FER1L6: variants seen among roughly 807,000 people sequenced by gnomAD.
FER1L6 encodes the protein fer-1-like protein 6.
Under a neutral mutation model 219.2 loss-of-function variants are expected in FER1L6, and 177 were observed. That is an observed-to-expected ratio of 0.81 (90% CI 0.71 to 0.91). The LOEUF is 0.91. FER1L6 is among the 40% of genes least tolerant of loss of function. FER1L6 has a pLI of 0.00. For missense variants in FER1L6, 2,153 were observed against 2,259.9 expected, an observed-to-expected ratio of 0.95 and a Z score of 0.96; for synonymous variants, 768 against 824.3, an observed-to-expected ratio of 0.93 and a Z score of 1.17.
At chr8:124,008,944 G>A (rs1817790131) in intron 13 of FER1L6, among the ~76,000 whole-genome samples, 1 of 151,966 alleles carries the variant, frequency 6.6e-6, no homozygotes, top group South Asian at 2.1e-4. Context: ...TGATCAAAAT[G>A]CACAAATGCA....
intron 2 of FER1L6, among the ~76,000 whole-genome samples, chr8:123,962,446 T>G (rs1244089551): frequency 6.6e-6 from 1 of 152,148 alleles, no homozygotes; most frequent in African/African-American, 2.4e-5. Context: ...TTGCCTGTCA[T>G]GACTTTAGGT....
intron 1 of FER1L6, among the ~76,000 whole-genome samples, chr8:123,862,655 G>A (rs1337424119): frequency 6.9e-6 from 1 of 144,616 alleles, no homozygotes; most frequent in Non-Finnish European, 1.5e-5. Flanking sequence ...CACAATTTCA[G>A]CTCCTGTTAT....
At chr8:124,059,516 C>T (rs935304864) in intron 22 of FER1L6, among the ~76,000 whole-genome samples, 3 of 152,288 alleles carry the variant, frequency 2.0e-5, no homozygotes, top group Non-Finnish European at 2.9e-5. Flanking sequence ...GGATGGCCTA[C>T]ACAGTGAAAA....
intron 18 of FER1L6, among the ~76,000 whole-genome samples, chr8:124,026,173 C>G (rs919688653): frequency 6.6e-6 from 1 of 151,834 alleles, no homozygotes; most frequent in African/African-American, 2.4e-5. Context: ...TATTTTACCT[C>G]CACTACAAAT....
In FER1L6 at chr8:124,023,483, A is replaced by G. The variant is rs1818556537; in HGVS notation, c.2173A>G (p.Ser725Gly). Residue 725 changes from serine (S) to glycine (G), a missense_variant, in exon 18 of 41, where the codon AGC (serine) becomes GGC (glycine). By Grantham distance (56) the Ser-to-Gly change is moderately conservative. Coordinates refer to ENST00000522917, the MANE Select transcript of FER1L6 (RefSeq NM_001039112.2). ...TIPDVFIWML[S>G]NNRRVAYARI... ...CCCTGACGTTTTCATCTGGATGCTC[A>G]GCAACAACAGGAGAGTGGCCTATGC... The G allele has an allele frequency of 6.2e-7, 1 of 1,614,184 alleles. No homozygotes were observed. The highest frequency in any genetic ancestry group is 1.1e-5 in the South Asian group (1 of 91,078).
intron 5 of FER1L6, among the ~76,000 whole-genome samples, chr8:123,968,032 A>G (rs1001506105): frequency 6.6e-6 from 1 of 152,124 alleles, no homozygotes; most frequent in African/African-American, 2.4e-5. Flanking sequence ...TGGATAATGA[A>G]ATCAACAGAA....
chr8:124,018,256 G>A (rs1310992139), intron 16 of FER1L6, among the ~76,000 whole-genome samples: 1 of 152,218 alleles, frequency 6.6e-6, no homozygotes, highest in African/African-American at 2.4e-5. Context: ...AATTGAAAAT[G>A]TCAGTGCCAG....
chr8:124,103,181 GC>G lies in FER1L6; in HGVS notation c.5162del (p.Ala1721GlufsTer52), dbSNP rs750604601. 3.1e-6 allele frequency: 5 copies of G among 1,614,116 alleles called. No homozygotes were observed. Among genetic ancestry groups the G allele is most frequent in the Non-Finnish European group, 4.2e-6 (5 of 1,179,982 alleles). ...AATGAACCTCAACAGTTTCCCTCGA[GC>G]AGCTAAGTCTGCCAAAGCCTGTGAT... Reference protein sequence around the residue: ...LEMNLNSFPRAAKSAKACDLA... With the variant: ...LEMNLNSFPRXAKSAKACDLA... On this transcript the variant is annotated frameshift_variant, in exon 39 of 41. Transcript: ENST00000522917. LOFTEE classifies it high-confidence loss of function.
intron 13 of FER1L6, 68 bp from the exon 14 acceptor site, chr8:124,010,526 A>C: frequency 6.3e-7 from 1 of 1,585,474 alleles, no homozygotes; most frequent in Non-Finnish European, 8.6e-7. Context: ...TAAAACATTA[A>C]CGTGTGACTG....
intron 1 of FER1L6, among the ~76,000 whole-genome samples, chr8:123,887,755 G>T (rs1817231307): frequency 6.6e-6 from 1 of 152,062 alleles, no homozygotes; most frequent in African/African-American, 2.4e-5. Flanking sequence ...AGTGGGATTA[G>T]CTCTTCTTAA....
intron 14 of FER1L6, among the ~76,000 whole-genome samples, chr8:124,012,601 T>A (rs1292051020): frequency 6.6e-6 from 1 of 152,228 alleles, no homozygotes; most frequent in African/African-American, 2.4e-5. Flanking sequence ...TATTATTCCA[T>A]TCCACAGATA....
At chr8:123,953,580 A>G (rs1316809469) in intron 1 of FER1L6, among the ~76,000 whole-genome samples, 1 of 152,174 alleles carries the variant, frequency 6.6e-6, no homozygotes, top group South Asian at 2.1e-4. Context: ...CCAATGCATC[A>G]GGCGCTGGCT....
intron 13 of FER1L6, among the ~76,000 whole-genome samples, chr8:124,010,155 G>A (rs2130557105): frequency 6.6e-6 from 1 of 152,096 alleles, no homozygotes; most frequent in African/African-American, 2.4e-5. Flanking sequence ...GATCCAGGCA[G>A]GAGCAATGTC....
At chr8:124,034,577 T>C (rs1001964416) in intron 18 of FER1L6, among the ~76,000 whole-genome samples, 1 of 152,002 alleles carries the variant, frequency 6.6e-6, no homozygotes, top group Non-Finnish European at 1.5e-5. Context: ...TAAATAAAAA[T>C]ACAAATCTGA....
chr8:123,957,736 A>G (rs1024023289), intron 2 of FER1L6, among the ~76,000 whole-genome samples: 3 of 152,146 alleles, frequency 2.0e-5, no homozygotes, highest in Admixed American at 6.5e-5. Context: ...GCGGATACCT[A>G]GGGCAGTCGA....
chr8:123,904,383 A>G (rs949506188), intron 1 of FER1L6, among the ~76,000 whole-genome samples: 238 of 151,906 alleles, frequency 1.6e-3, no homozygotes, highest in African/African-American at 5.4e-3. Flanking sequence ...GCAAATAATC[A>G]CACTGCACAC....
chr8:123,961,920 G>C (rs4391416), intron 2 of FER1L6, among the ~76,000 whole-genome samples: 45,871 of 140,860 alleles, frequency 0.33, 7,965 homozygotes, highest in Non-Finnish European at 0.4. Flanking sequence ...TTGGAGTCTC[G>C]CTCTGTCTCC....
intron 12 of FER1L6, among the ~76,000 whole-genome samples, chr8:124,000,849 A>G (rs1042761925): frequency 1.3e-5 from 2 of 152,212 alleles, no homozygotes; most frequent in African/African-American, 4.8e-5. Context: ...AGCCTAACAA[A>G]GAATCTCCTG....
Position 123,865,713 on chromosome 8 carries a change from C to T in FER1L6, c.-8+13528C>T, listed in dbSNP as rs1218779371. ...CCGTTTTTTAAGCCGGTCTGAAAAG[C>T]GCAATATTCGGGTGGGAGTGACCCG... On this transcript the variant is annotated intron_variant, in intron 1 of 40. Transcript: ENST00000522917. 1.1e-4 allele frequency among the ~76,000 whole-genome samples: 16 copies of T among 148,576 alleles called. No homozygotes were observed. In the East Asian group the frequency reaches 2.4e-3, roughly 22 times the overall value.
Sources: gnomAD v4.1 joint callset for allele counts (sites outside exome capture counted in the v4.1 genomes callset) on GRCh38, gnomAD v4.1.1 for gene constraint, MANE v1.5 for transcripts, NCBI Gene and HGNC (gene_info 2026-07-23, HGNC 2026-07-21) for gene names.